Variants in SLC47A1 observed in about 807,000 individuals in gnomAD.
The protein encoded by SLC47A1 is solute carrier family 47 member 1, also known as multidrug and toxin extrusion protein 1.
In SLC47A1, 58 loss-of-function variants were observed where a neutral mutation model predicts 65.8. The observed-to-expected ratio is 0.88, with a 90% CI of 0.71 to 1.10. The LOEUF is 1.10. Among genes scored for constraint, SLC47A1 ranks in the 50% least tolerant of loss-of-function variants. The probability of loss-of-function intolerance (pLI) is 0.00; values close to 1 mark genes in which losing one functional copy is unlikely to be tolerated. For missense variants in SLC47A1, 706 were observed against 719.2 expected (o/e 0.98, Z 0.21); for synonymous variants, 285 against 295.0 (o/e 0.97, Z 0.35).
Position 19,542,513 on chromosome 17 carries a change from G to T in SLC47A1, c.237+19G>T, listed in dbSNP as rs76043271. On this transcript the variant is annotated intron_variant, in intron 2 of 16. Coordinates refer to ENST00000270570, the MANE Select transcript of SLC47A1 (RefSeq NM_018242.3). ...AATCGCGGTACGTGTGGGCTTTCTG[G>T]CAGGTTTACCAACACTGTCTGTGTT... The T allele has an allele frequency of 1.9e-4, 297 of 1,590,420 alleles. No homozygotes were observed. In the African/African-American group the frequency reaches 2.8e-3, roughly 15 times the overall value.
At chr17:19,563,833 C>CA (rs2084334936) in intron 12 of SLC47A1, among the ~76,000 whole-genome samples, 1 of 151,272 alleles carries the variant, frequency 6.6e-6, no homozygotes, top group Non-Finnish European at 1.5e-5. Flanking sequence ...CTAAAAAATA[C>CA]AAAAAATTAG....
chr17:19,545,540 G>C (rs1916265328), intron 2 of SLC47A1, among the ~76,000 whole-genome samples: 1 of 151,546 alleles, frequency 6.6e-6, no homozygotes, highest in Admixed American at 6.6e-5. Context: ...GCCCAGGCTA[G>C]AGTGCAGTGG....
At chr17:19,538,775 G>C (rs558590178) in intron 1 of SLC47A1, among the ~76,000 whole-genome samples, 4 of 152,174 alleles carry the variant, frequency 2.6e-5, no homozygotes, top group Non-Finnish European at 4.4e-5. Flanking sequence ...ATCATGGGAG[G>C]GGGTAGGAGA....
intron 2 of SLC47A1, among the ~76,000 whole-genome samples, chr17:19,545,662 T>C (rs919636292): frequency 6.6e-6 from 1 of 152,102 alleles, no homozygotes; most frequent in East Asian, 1.9e-4. Context: ...TGCTAGTTTT[T>C]GTACTTTTGT....
intron 2 of SLC47A1, among the ~76,000 whole-genome samples, chr17:19,543,354 C>A (rs934857997): frequency 1.3e-5 from 2 of 152,122 alleles, no homozygotes; most frequent in Non-Finnish European, 2.9e-5. Context: ...AGGTGATCCA[C>A]CCGCCTCGGC....
intron 2 of SLC47A1, among the ~76,000 whole-genome samples, chr17:19,543,332 ACTCTTGAC>A (rs1046016487): frequency 2.0e-5 from 3 of 150,618 alleles, no homozygotes; most frequent in Admixed American, 6.6e-5. Context: ...CTGGTCTTGA[ACTCTTGAC>A]CTCAGGTGAT....
chr17:19,536,968 G>A (rs751259), intron 1 of SLC47A1, among the ~76,000 whole-genome samples: 2,309 of 152,286 alleles, frequency 0.015, 59 homozygotes, highest in African/African-American at 0.052. Flanking sequence ...CAAAAGATGC[G>A]TCCATTTTAT....
Position 19,560,242 on chromosome 17 carries a change from G to A in SLC47A1, c.976G>A (p.Ala326Thr). ...ASVRVGNALGAGDMEQARKSS... is the reference protein window; with the variant it reads ...ASVRVGNALGTGDMEQARKSS... ...TGTCCGGGTAGGAAACGCTCTGGGT[G>A]CTGGAGACATGGAGCAGGCACGGAA... is the stretch of plus-strand genomic sequence containing the variant. Residue 326 changes from alanine to threonine, a missense_variant, in exon 11 of 17, where the codon GCT (alanine) becomes ACT (threonine). Transcript: ENST00000270570. The A allele has an allele frequency of 1.9e-6, 3 of 1,613,756 alleles. No individual in the cohort carries two copies. Among genetic ancestry groups the A allele is most frequent in the Non-Finnish European group, 2.5e-6 (3 of 1,180,004 alleles).
intron 5 of SLC47A1, 25 bp from the exon 6 acceptor site, chr17:19,551,399 A>G (rs1352815903): frequency 1.3e-6 from 2 of 1,567,506 alleles, no homozygotes; most frequent in East Asian, 2.2e-5. Context: ...AAACATTAAC[A>G]TTCATCTCTC....
At chr17:19,562,635 T>C (rs2084322226) in intron 12 of SLC47A1, among the ~76,000 whole-genome samples, 1 of 152,088 alleles carries the variant, frequency 6.6e-6, no homozygotes, top group African/African-American at 2.4e-5. Context: ...ATAGTTGGCT[T>C]TTCTCACAAA....
intron 6 of SLC47A1, among the ~76,000 whole-genome samples, chr17:19,552,268 T>A (rs1027125092): frequency 3.3e-5 from 5 of 152,180 alleles, no homozygotes; most frequent in Non-Finnish European, 7.3e-5. Flanking sequence ...GTTTCAAACT[T>A]CTGGCCTCAA....
In SLC47A1 at chr17:19,548,139, A is replaced by T. The variant is rs1916343804; in HGVS notation, c.455+6A>T. On this transcript the variant is annotated splice_donor_region_variant and intron_variant, in intron 4 of 16. Coordinates refer to ENST00000270570, the MANE Select transcript of SLC47A1 (RefSeq NM_018242.3). ...CAGGACCCAGATGTGTCCAGGTAAGATGGAACCTGTCGCAGCGGGACTTGG... is the reference window on the plus strand; with the variant it reads ...CAGGACCCAGATGTGTCCAGGTAAGTTGGAACCTGTCGCAGCGGGACTTGG... The T allele has an allele frequency of 6.2e-7, 1 of 1,607,616 alleles. No homozygotes were observed. Among genetic ancestry groups the T allele is most frequent in the African/African-American group, 1.3e-5 (1 of 74,806 alleles).
In SLC47A1 at chr17:19,534,008, G is replaced by C. The variant is rs1013290688; in HGVS notation, c.69G>C (p.Ser23=). 6 of 1,544,788 alleles carry C rather than the reference G, an allele frequency of 3.9e-6. No individual in the cohort carries two copies. The African/African-American group carries it at 8.3e-5, about 21-fold the overall frequency. The change falls in exon 1 of 17, where the codon TCG becomes TCC. Residue 23 remains serine (S), a synonymous_variant. Transcript: ENST00000270570. ...GPEATLEVRG[S]RCLRLSAFRE... is the part of the protein sequence containing the mutation. Reference sequence around the variant, plus strand: ...AGGCCACCCTTGAGGTCCGTGGGTCGCGCTGCTTGCGGCTGTCCGCCTTCC... The same window carrying C: ...AGGCCACCCTTGAGGTCCGTGGGTCCCGCTGCTTGCGGCTGTCCGCCTTCC...
Position 19,534,051 on chromosome 17 carries a change from C to G in SLC47A1, c.112C>G (p.Leu38Val). 1 of 1,546,570 alleles carries G rather than the reference C, an allele frequency of 6.5e-7. No homozygotes were observed. The highest frequency in any genetic ancestry group is 8.7e-7 in the Non-Finnish European group (1 of 1,146,962). ...CGCCTTCCGAGAAGAGCTGCGGGCG[C>G]TCTTGGTCCTGGCTGGCCCCGCGGT... ...LSAFREELRA[L>V]LVLAGPAFLV... Residue 38 changes from leucine (L) to valine (V), a missense_variant, in exon 1 of 17, where the codon CTC becomes GTC. By Grantham distance (32) the Leu-to-Val change is conservative (BLOSUM62 1). Transcript: ENST00000270570.
chr17:19,551,242 G>A (rs1916437535), intron 5 of SLC47A1, among the ~76,000 whole-genome samples, 182 bp from the exon 6 acceptor site: 1 of 152,158 alleles, frequency 6.6e-6, no homozygotes, highest in Admixed American at 6.5e-5. Context: ...AGAAGATGTG[G>A]GAAGCCCCTG....
chr17:19,564,543 A>C (rs1444140707), intron 12 of SLC47A1: 1 of 152,244 alleles, frequency 6.6e-6, no homozygotes, highest in Non-Finnish European at 1.5e-5. Context: ...CAGGGCTGGT[A>C]CTGGGGCAAA....
At chr17:19,539,555 G>A (rs539006535) in intron 1 of SLC47A1, among the ~76,000 whole-genome samples, 11 of 151,848 alleles carry the variant, frequency 7.2e-5, no homozygotes, top group African/African-American at 2.2e-4. Context: ...CTTGATCTCC[G>A]CTCACTGCAA....
chr17:19,541,477 C>T (rs570969199), intron 1 of SLC47A1, among the ~76,000 whole-genome samples: 2 of 152,284 alleles, frequency 1.3e-5, no homozygotes, highest in Admixed American at 6.5e-5. Context: ...AGTGAAAGCA[C>T]TGTGGAGCAA....
chr17:19,550,119 G>A (rs1379615320), intron 5 of SLC47A1, among the ~76,000 whole-genome samples: 1 of 151,966 alleles, frequency 6.6e-6, no homozygotes, highest in Non-Finnish European at 1.5e-5. Flanking sequence ...TGGTTTTTTT[G>A]TTTGTTTGTT....
Sources: gnomAD v4.1 joint callset for allele counts (sites outside exome capture counted in the v4.1 genomes callset) on GRCh38, gnomAD v4.1.1 for gene constraint, MANE v1.5 for transcripts, NCBI Gene and HGNC (gene_info 2026-07-23, HGNC 2026-07-21) for gene names.